SPMAP2L: variants seen among roughly 807,000 people sequenced by gnomAD.
The protein encoded by SPMAP2L is sperm microtubule associated protein 2-like.
the SPMAP2L span, chr4:56,594,347 A>G: frequency 6.5e-7 from 1 of 1,528,998 alleles, no homozygotes; most frequent in Non-Finnish European, 9.1e-7. Flanking sequence ...GAAACTGAAC[A>G]GTTCGTCTGA....
At chr4:56,597,851 GT>G in the SPMAP2L span, among the ~76,000 whole-genome samples, 13,474 of 151,516 alleles carry the variant, frequency 0.089, 1,634 homozygotes, top group African/African-American at 0.28. Context: ...TCTTTTGTTT[GT>G]TTTTTTTGTG....
the SPMAP2L span, chr4:56,559,646 C>G: frequency 2.1e-6 from 2 of 936,222 alleles, no homozygotes; most frequent in Admixed American, 8.7e-5. Context: ...TGGCTCACTG[C>G]AACCTCCGCC....
At chr4:56,592,837 C>T in the SPMAP2L span, among the ~76,000 whole-genome samples, 1 of 152,130 alleles carries the variant, frequency 6.6e-6, no homozygotes, top group Non-Finnish European at 1.5e-5. Context: ...TGCCCAGACA[C>T]GACGACTTCG....
At chr4:56,607,772 G>T in the SPMAP2L span, among the ~76,000 whole-genome samples, 8 of 152,090 alleles carry the variant, frequency 5.3e-5, no homozygotes, top group Non-Finnish European at 1.2e-4. Context: ...AGGATAGCTT[G>T]AGCCCAGGAG....
the SPMAP2L span, among the ~76,000 whole-genome samples, chr4:56,621,513 G>T: frequency 2.0e-4 from 31 of 152,268 alleles, no homozygotes; most frequent in African/African-American, 7.0e-4. Flanking sequence ...AAAAATCATA[G>T]CAAGCATAAG....
the SPMAP2L span, among the ~76,000 whole-genome samples, chr4:56,551,703 T>C: frequency 6.6e-6 from 1 of 152,118 alleles, no homozygotes; most frequent in Admixed American, 6.5e-5. Context: ...CACCACAACA[T>C]AGGTGGTGTA....
chr4:56,593,320 C>T, the SPMAP2L span: 23 of 1,148,038 alleles, frequency 2.0e-5, no homozygotes, highest in Non-Finnish European at 2.9e-5. Context: ...TTTTGTTGAC[C>T]CCCATTGCCA....
At chr4:56,568,043 T>A in the SPMAP2L span, among the ~76,000 whole-genome samples, 5 of 152,214 alleles carry the variant, frequency 3.3e-5, no homozygotes, top group African/African-American at 4.8e-5. Flanking sequence ...TTTCTCTCTA[T>A]GTCTTCATTA....
the SPMAP2L span, among the ~76,000 whole-genome samples, chr4:56,611,586 T>C: frequency 6.6e-6 from 1 of 152,136 alleles, no homozygotes; most frequent in East Asian, 1.9e-4. Context: ...ATTAAAACAT[T>C]TTTTAAAAAA....
chr4:56,624,331 G>T, the SPMAP2L span, among the ~76,000 whole-genome samples: 1 of 152,102 alleles, frequency 6.6e-6, no homozygotes. Context: ...GAACATGAGG[G>T]TTTCAAAAAT....
the SPMAP2L span, among the ~76,000 whole-genome samples, chr4:56,622,644 A>T: frequency 6.6e-6 from 1 of 152,158 alleles, no homozygotes; most frequent in African/African-American, 2.4e-5. Flanking sequence ...GCAGAGAACC[A>T]AGTCTTCAAC....
chr4:56,545,147 T>G, the SPMAP2L span, among the ~76,000 whole-genome samples: 1 of 152,170 alleles, frequency 6.6e-6, no homozygotes, highest in Non-Finnish European at 1.5e-5. Context: ...TGCTCCACCC[T>G]CCTCCTAAAA....
the SPMAP2L span, among the ~76,000 whole-genome samples, chr4:56,609,867 G>C: frequency 6.6e-6 from 1 of 152,292 alleles, no homozygotes; most frequent in Non-Finnish European, 1.5e-5. Flanking sequence ...CTGTAGAACT[G>C]TGAGAAATGA....
At chr4:56,594,905 CTAAA>C in the SPMAP2L span, 2 of 1,611,524 alleles carry the variant, frequency 1.2e-6, no homozygotes, top group Admixed American at 3.3e-5. Flanking sequence ...TGTCTCGCAC[CTAAA>C]TCTTCACAAG....
At chr4:56,535,066 G>T in the SPMAP2L span, among the ~76,000 whole-genome samples, 10 of 152,216 alleles carry the variant, frequency 6.6e-5, no homozygotes, top group East Asian at 1.7e-3. Flanking sequence ...ATTTATCCAG[G>T]TGCCTAAAAA....
At chr4:56,556,658 A>G in the SPMAP2L span, among the ~76,000 whole-genome samples, 23 of 152,338 alleles carry the variant, frequency 1.5e-4, no homozygotes, top group East Asian at 3.7e-3. Flanking sequence ...GGATCACTTG[A>G]GGTCAAGAGT....
At chr4:56,615,947 A>C in the SPMAP2L span, among the ~76,000 whole-genome samples, 1 of 152,132 alleles carries the variant, frequency 6.6e-6, no homozygotes, top group Non-Finnish European at 1.5e-5. Context: ...ATTTAGCTGC[A>C]CAAGAATCAC....
the SPMAP2L span, among the ~76,000 whole-genome samples, chr4:56,561,191 C>T: frequency 6.6e-6 from 1 of 152,094 alleles, no homozygotes; most frequent in South Asian, 2.1e-4. Context: ...TAATGAAGAT[C>T]ACTTCATTTT....
chr4:56,548,830 C>G, the SPMAP2L span: 1 of 1,483,250 alleles, frequency 6.7e-7, no homozygotes. Flanking sequence ...AATGGTAAGA[C>G]ATAGTTATAG....
Sources: allele counts gnomAD v4.1 joint callset (sites outside exome capture counted in the v4.1 genomes callset), GRCh38; gene constraint gnomAD v4.1.1; transcripts MANE v1.5; gene names NCBI Gene and HGNC (gene_info 2026-07-23, HGNC 2026-07-21).